MID1: variants seen among roughly 807,000 people sequenced by gnomAD.
The protein encoded by MID1 is midline 1, also known as E3 ubiquitin-protein ligase Midline-1.
In MID1, 7 loss-of-function variants were observed where a neutral mutation model predicts 40.4. The ratio of observed to expected loss-of-function variants is 0.17; its 90% CI spans 0.10 to 0.33. The LOEUF (loss-of-function observed/expected upper bound fraction) is 0.33, where lower values mean the gene tolerates loss of function less well. Among genes scored for constraint, MID1 ranks in the 10% least tolerant of loss-of-function variants. MID1 has a pLI of 1.00. For synonymous variants in MID1, 229 were observed against 221.2 expected (o/e 1.04, Z -0.31); for missense variants, 367 against 558.5 (o/e 0.66, Z 3.46).
intron 7 of MID1, among the ~76,000 whole-genome samples, chrX:10,465,498 AAAGGCG>A (rs1330994534): frequency 1.3e-4 from 14 of 110,211 alleles, no homozygotes; most frequent in Non-Finnish European, 2.1e-4. Context: ...ATTATATGAC[AAAGGCG>A]AAGGCGAAGG....
chrX:10,762,724 T>C, intron 1 of MID1, among the ~76,000 whole-genome samples: 1 of 111,735 alleles, frequency 8.9e-6, no homozygotes, highest in Admixed American at 9.5e-5. Flanking sequence ...TGTGAGCCAC[T>C]GTGCCTGGCC....
chrX:10,635,110 G>A (rs1037289893), intron 1 of MID1, among the ~76,000 whole-genome samples: 1 of 112,139 alleles, frequency 8.9e-6, no homozygotes, highest in Non-Finnish European at 1.9e-5. Context: ...AATGGCTTCT[G>A]GTACTCTCCT....
intron 3 of MID1, among the ~76,000 whole-genome samples, chrX:10,510,849 A>G (rs985085954): frequency 1.9e-5 from 2 of 107,939 alleles, no homozygotes; most frequent in African/African-American, 6.8e-5. Context: ...AAAAAAAAAA[A>G]AAAAAGAAAA....
chrX:10,651,422 G>C (rs1936315178), intron 1 of MID1, among the ~76,000 whole-genome samples: 1 of 112,156 alleles, frequency 8.9e-6, no homozygotes. Flanking sequence ...CTTCCATTGA[G>C]CTAAGGTGTT....
At chrX:10,601,901 G>GTTT (rs61428047) in intron 1 of MID1, among the ~76,000 whole-genome samples, 97 of 96,288 alleles carry the variant, frequency 1.0e-3, no homozygotes, top group African/African-American at 3.6e-3. Flanking sequence ...TTTTGTTTTT[G>GTTT]TTTTTTTTTT....
At chrX:10,752,010 C>T (rs1202902272) in intron 1 of MID1, among the ~76,000 whole-genome samples, 1 of 111,725 alleles carries the variant, frequency 9.0e-6, no homozygotes, top group Non-Finnish European at 1.9e-5. Context: ...TGTGACATGG[C>T]TGCTCTCCCT....
At chrX:10,804,340 AT>A (rs1044334276) in intron 1 of MID1, among the ~76,000 whole-genome samples, 6 of 111,510 alleles carry the variant, frequency 5.4e-5, no homozygotes, top group African/African-American at 2.0e-4. Flanking sequence ...ATGCCTTGTA[AT>A]TTTTTTGTTG....
chrX:10,661,295 C>T (rs945264776), intron 1 of MID1, among the ~76,000 whole-genome samples: 3 of 109,523 alleles, frequency 2.7e-5, no homozygotes, highest in African/African-American at 1.0e-4. Context: ...GTTTTGCAAA[C>T]TCTTGTGTGT....
intron 2 of MID1, among the ~76,000 whole-genome samples, chrX:10,538,973 C>A (rs1933367469): frequency 8.9e-6 from 1 of 112,139 alleles, no homozygotes; most frequent in African/African-American, 3.2e-5. Flanking sequence ...AGACATCAAG[C>A]CATAGTTCAC....
intron 1 of MID1, among the ~76,000 whole-genome samples, chrX:10,762,214 T>C (rs1194510717): frequency 8.9e-6 from 1 of 112,161 alleles, no homozygotes; most frequent in Non-Finnish European, 1.9e-5. Context: ...TTATTTGTAT[T>C]CCTTTTTCTT....
intron 1 of MID1, among the ~76,000 whole-genome samples, chrX:10,736,694 C>T (rs2043490182): frequency 8.9e-6 from 1 of 112,376 alleles, no homozygotes; most frequent in African/African-American, 3.2e-5. Context: ...TTTCCTTATA[C>T]TAACTAAAGG....
At chrX:10,710,718 G>A (rs1316363833) in intron 1 of MID1, among the ~76,000 whole-genome samples, 1 of 110,860 alleles carries the variant, frequency 9.0e-6, no homozygotes, top group Admixed American at 9.6e-5. Context: ...TTCAAACACT[G>A]GACACAAAGT....
At chrX:10,668,208 TCA>T (rs1201498298) in intron 1 of MID1, among the ~76,000 whole-genome samples, 1 of 112,125 alleles carries the variant, frequency 8.9e-6, no homozygotes, top group Non-Finnish European at 1.9e-5. Context: ...GTGCTATTAC[TCA>T]CATAATTTTA....
chrX:10,556,043 AG>A (rs2147443650), intron 2 of MID1, among the ~76,000 whole-genome samples: 1 of 108,829 alleles, frequency 9.2e-6, no homozygotes, highest in South Asian at 4.1e-4. Context: ...GCTAACACAC[AG>A]CCCAGGGCCA....
intron 1 of MID1, among the ~76,000 whole-genome samples, chrX:10,765,942 G>GGAAA (rs201959862): frequency 0.034 from 2,215 of 65,321 alleles, 47 homozygotes; most frequent in Middle Eastern, 0.06. Flanking sequence ...GGAAAGGAAA[G>GGAAA]GAAAGAAAGA....
At chrX:10,703,335 C>T (rs941284365) in intron 1 of MID1, among the ~76,000 whole-genome samples, 1 of 112,139 alleles carries the variant, frequency 8.9e-6, no homozygotes, top group African/African-American at 3.2e-5. Flanking sequence ...ATACATTTCA[C>T]GAAGTAACTG....
At chrX:10,626,592 T>C in intron 1 of MID1, among the ~76,000 whole-genome samples, 1 of 111,244 alleles carries the variant, frequency 9.0e-6, no homozygotes, top group South Asian at 3.8e-4. Flanking sequence ...GTTTGCTCTT[T>C]GCCCTTCCTG....
At chrX:10,670,881 T>C (rs1236756025) in intron 1 of MID1, among the ~76,000 whole-genome samples, 1 of 112,117 alleles carries the variant, frequency 8.9e-6, no homozygotes, top group Non-Finnish European at 1.9e-5. Context: ...AGAACTATGC[T>C]CTCACTTCAT....
intron 5 of MID1, among the ~76,000 whole-genome samples, chrX:10,479,020 GAA>G (rs1418766518): frequency 9.0e-6 from 1 of 111,607 alleles, no homozygotes; most frequent in Non-Finnish European, 1.9e-5. Flanking sequence ...AGTAGCATTG[GAA>G]AAAAGACACA....
Sources: allele counts gnomAD v4.1 joint callset (sites outside exome capture counted in the v4.1 genomes callset), GRCh38; gene constraint gnomAD v4.1.1; transcripts MANE v1.5; gene names NCBI Gene and HGNC (gene_info 2026-07-23, HGNC 2026-07-21).